Variants in METTL15 observed in about 807,000 individuals in gnomAD.
The protein encoded by METTL15 is methyltransferase 15, mitochondrial 12S rRNA N4-cytidine.
Under a neutral mutation model 38.3 loss-of-function variants are expected in METTL15, and 34 were observed. The ratio of observed to expected loss-of-function variants is 0.89; its 90% confidence interval spans 0.68 to 1.18. The LOEUF is 1.18. METTL15 is among the 50% of genes most tolerant of loss of function. The pLI, the probability that METTL15 is intolerant of heterozygous loss-of-function variation, is 0.00. For synonymous variants in METTL15, 162 were observed against 170.9 expected (o/e 0.95, Z 0.41); for missense variants, 438 against 498.4 (o/e 0.88, Z 1.15).
intron 4 of METTL15, among the ~76,000 whole-genome samples, chr11:28,279,419 T>C (rs1260037450): frequency 6.6e-6 from 1 of 152,166 alleles, no homozygotes; most frequent in Admixed American, 6.5e-5. Flanking sequence ...TATATTTGGG[T>C]TTAAATCTAC....
At chr11:28,341,198 A>G (rs1320465094) in intron 3 of METTL15, among the ~76,000 whole-genome samples, 6 of 152,184 alleles carry the variant, frequency 3.9e-5, no homozygotes, top group Non-Finnish European at 5.9e-5. Context: ...GAGGGATAGC[A>G]TTAGGAGAAA....
chr11:28,379,438 A>T (rs902664734), intron 5 of METTL15, among the ~76,000 whole-genome samples: 1 of 152,038 alleles, frequency 6.6e-6, no homozygotes, highest in Admixed American at 6.6e-5. Context: ...GAAATATTTT[A>T]ATTTTCTACT....
intron 4 of METTL15, among the ~76,000 whole-genome samples, chr11:28,354,780 AT>A (rs1850075769): frequency 6.6e-6 from 1 of 152,196 alleles, no homozygotes; most frequent in African/African-American, 2.4e-5. Context: ...TACAAAACTT[AT>A]TTTTAAATCA....
intron 5 of METTL15, among the ~76,000 whole-genome samples, chr11:28,380,195 T>C (rs1489775688): frequency 7.5e-6 from 1 of 133,698 alleles, no homozygotes; most frequent in Non-Finnish European, 1.6e-5. Context: ...TGAGATGGAG[T>C]CTCACTCTGT....
chr11:28,194,910 C>T (rs1851854386), intron 3 of METTL15, among the ~76,000 whole-genome samples: 1 of 151,878 alleles, frequency 6.6e-6, no homozygotes. Context: ...TGCCTTTATG[C>T]ACCCATAGCT....
chr11:28,221,392 G>C (rs187138997), intron 4 of METTL15, among the ~76,000 whole-genome samples: 1 of 152,100 alleles, frequency 6.6e-6, no homozygotes, highest in Non-Finnish European at 1.5e-5. Flanking sequence ...CAGTTCTCGT[G>C]CCATGGTTTT....
chr11:28,114,825 G>A (rs1184942509), intron 3 of METTL15, among the ~76,000 whole-genome samples: 2 of 152,124 alleles, frequency 1.3e-5, no homozygotes, highest in Admixed American at 6.6e-5. Context: ...ATTCCTCTAG[G>A]CTTAACTTTT....
chr11:28,454,678 G>T (rs1851152831), intron 6 of METTL15, among the ~76,000 whole-genome samples: 1 of 151,950 alleles, frequency 6.6e-6, no homozygotes, highest in Non-Finnish European at 1.5e-5. Flanking sequence ...TATAGTCTTT[G>T]GTAAATGCGC....
At chr11:28,510,794 C>T (rs1172268983) in intron 6 of METTL15, among the ~76,000 whole-genome samples, 1 of 152,122 alleles carries the variant, frequency 6.6e-6, no homozygotes, top group Admixed American at 6.6e-5. Context: ...CATACTACTG[C>T]CCAAATCATT....
intron 6 of METTL15, among the ~76,000 whole-genome samples, chr11:28,328,996 G>A (rs1849729046): frequency 1.3e-5 from 2 of 151,820 alleles, no homozygotes; most frequent in African/African-American, 2.4e-5. Context: ...TTCTTTTGTT[G>A]TTCACAATTT....
At chr11:28,237,870 C>A (rs1854079809) in intron 4 of METTL15, among the ~76,000 whole-genome samples, 1 of 152,324 alleles carries the variant, frequency 6.6e-6, no homozygotes, top group Middle Eastern at 3.4e-3. Context: ...GAGGTCCACT[C>A]CAGACCCTGT....
At chr11:28,270,635 G>C (rs1017235032) in intron 4 of METTL15, among the ~76,000 whole-genome samples, 1 of 152,124 alleles carries the variant, frequency 6.6e-6, no homozygotes, top group African/African-American at 2.4e-5. Flanking sequence ...GTATAAAATA[G>C]GTGTAGTTGG....
intron 5 of METTL15, among the ~76,000 whole-genome samples, chr11:28,394,656 A>G (rs1850549969): frequency 6.6e-6 from 1 of 152,102 alleles, no homozygotes; most frequent in Non-Finnish European, 1.5e-5. Flanking sequence ...AAGATTCTCC[A>G]CTGAAAAAGA....
Position 28,327,477 on chromosome 11 carries a change from TAG to T in METTL15, c.779-2918_779-2917del, listed in dbSNP as rs1186420484. ...TTGTCAGCTGCAGATTCATATATAC[TAG>T]GGGATATACTTAATGTGAACATGAT... On this transcript the variant is annotated intron_variant, in intron 6 of 6. Transcript: ENST00000407364. 19 of 152,496 alleles carry T rather than the reference TAG, an allele frequency of 1.2e-4. No individual in the cohort carries two copies. The East Asian group carries it at 2.7e-3, about 22-fold the overall frequency. 9.4% of individuals were successfully genotyped at this position (152,496 alleles called of 1,614,324 possible).
At chr11:28,336,443 A>G (rs1189177558), downstream of METTL15, among the ~76,000 whole-genome samples, 1 of 152,198 alleles carries the variant, frequency 6.6e-6, no homozygotes, top group African/African-American at 2.4e-5. Flanking sequence ...AGATTGTTGC[A>G]GGACTATGAA....
intron 4 of METTL15, among the ~76,000 whole-genome samples, chr11:28,359,857 TA>T (rs1395528755): frequency 6.6e-5 from 10 of 152,226 alleles, no homozygotes; most frequent in Admixed American, 6.5e-4. Flanking sequence ...ATGAGTTGTT[TA>T]TATAGATATT....
At chr11:28,321,844 C>T (rs1849481060) in intron 6 of METTL15, among the ~76,000 whole-genome samples, 1 of 150,072 alleles carries the variant, frequency 6.7e-6, no homozygotes, top group Non-Finnish European at 1.5e-5. Context: ...GTGGTATTTG[C>T]AGAAAAATAG....
intron 3 of METTL15, among the ~76,000 whole-genome samples, chr11:28,130,259 C>T (rs372498194): frequency 6.6e-6 from 1 of 151,996 alleles, no homozygotes; most frequent in African/African-American, 2.4e-5. Flanking sequence ...TGCAGTAAGC[C>T]GTGATCACAC....
chr11:28,305,042 C>G (rs1276688715), intron 6 of METTL15, among the ~76,000 whole-genome samples: 1 of 152,132 alleles, frequency 6.6e-6, no homozygotes, highest in East Asian at 1.9e-4. Flanking sequence ...TTTGTCATTT[C>G]AAATTTCTCG....
Sources: allele counts gnomAD v4.1 joint callset (sites outside exome capture counted in the v4.1 genomes callset), GRCh38; gene constraint gnomAD v4.1.1; transcripts MANE v1.5; gene names NCBI Gene and HGNC (gene_info 2026-07-23, HGNC 2026-07-21).